The following DOCK9 variants were observed in gnomAD, a reference collection of about 807,000 sequenced individuals.
DOCK9 encodes dedicator of cytokinesis protein 9.
DOCK9 carries 89 observed loss-of-function variants against 263.3 expected under a neutral mutation model. That is an observed-to-expected ratio of 0.34 (90% CI 0.28 to 0.40). DOCK9 has a LOEUF of 0.40. Ranked by LOEUF, DOCK9 falls within the 10% of genes least tolerant of loss-of-function variation. The pLI is 1.00. For synonymous variants in DOCK9, 976 were observed against 973.1 expected, an observed-to-expected ratio of 1.00 and a Z score of -0.06; for missense variants, 2,140 against 2,603.4, an observed-to-expected ratio of 0.82 and a Z score of 3.87.
intron 1 of DOCK9, among the ~76,000 whole-genome samples, chr13:99,071,381 C>A (rs555013484): frequency 2.7e-4 from 38 of 142,650 alleles, no homozygotes; most frequent in Non-Finnish European, 5.0e-4. Flanking sequence ...ATCCATCCAT[C>A]TACCTTGGCC....
intron 1 of DOCK9, among the ~76,000 whole-genome samples, chr13:99,064,873 G>T (rs144595499): frequency 6.6e-6 from 1 of 152,216 alleles, no homozygotes; most frequent in East Asian, 1.9e-4. Flanking sequence ...AAAAATGAAG[G>T]CCCCCTAATA....
intron 3 of DOCK9, among the ~76,000 whole-genome samples, chr13:98,926,159 G>T (rs9554537): frequency 0.17 from 25,719 of 152,114 alleles, 3,041 homozygotes; most frequent in East Asian, 0.43. Flanking sequence ...AATGATCTGA[G>T]AGCAGGTTTT....
chr13:98,850,006 G>A (rs2296990), intron 36 of DOCK9, 41 bp downstream of exon 36: 83,243 of 1,415,940 alleles, frequency 0.059, 3,695 homozygotes, highest in East Asian at 0.23. Flanking sequence ...AATGATCCAG[G>A]AAAAAATCAA....
intron 37 of DOCK9, chr13:98,846,819 G>A (rs1427230522): frequency 2.0e-5 from 7 of 352,114 alleles, no homozygotes; most frequent in South Asian, 4.3e-5. Flanking sequence ...CATCAAACTC[G>A]ACCACCGTGG....
intron 2 of DOCK9, among the ~76,000 whole-genome samples, chr13:98,955,152 T>TAATACAAAGACAAAAA (rs2057895019): frequency 6.6e-6 from 1 of 152,044 alleles, no homozygotes; most frequent in African/African-American, 2.4e-5. Flanking sequence ...ACCCTGTCTC[T>TAATACAAAGACAAAAA]AATACAAAGA....
At position 98,883,890 on chromosome 13, in the gene DOCK9, G is replaced by C. The variant is rs755742927; in HGVS notation, c.2392C>G (p.Pro798Ala). Residue 798 changes from proline to alanine, a missense_variant, in exon 22 of 53, where the codon CCG becomes GCG. Transcript: ENST00000682017. Reference sequence around the variant, plus strand: ...CCTCCATCTACCCATTTAATTTCCGGACCATAATGCTAAAAAAAATATGGA... The same window carrying C: ...CCTCCATCTACCCATTTAATTTCCGCACCATAATGCTAAAAAAAATATGGA... ...QELGMGRHYG[P>A]EIKWVDGGKP... 1.2e-5 allele frequency: 19 copies of C among 1,608,984 alleles called. 1 individual carries two copies. The South Asian group carries it at 2.1e-4, about 18-fold the overall frequency.
At chr13:98,896,519 G>A (rs1259611229) in intron 15 of DOCK9, among the ~76,000 whole-genome samples, 1 of 151,498 alleles carries the variant, frequency 6.6e-6, no homozygotes, top group Non-Finnish European at 1.5e-5. Context: ...GATACCTTTG[G>A]CATAGAATAG....
intron 45 of DOCK9, chr13:98,820,696 A>C (rs1277513062): frequency 7.0e-6 from 3 of 427,598 alleles, no homozygotes; most frequent in Non-Finnish European, 1.4e-5. Flanking sequence ...AATCGATATT[A>C]TTAGCTTTAA....
chr13:98,800,667 G>A (rs760304855), intron 49 of DOCK9, among the ~76,000 whole-genome samples, 189 bp from the exon 50 acceptor site: 6 of 152,094 alleles, frequency 3.9e-5, no homozygotes, highest in Non-Finnish European at 5.9e-5. Flanking sequence ...CTTTACAATC[G>A]TGTGTCTCGT....
intron 1 of DOCK9, among the ~76,000 whole-genome samples, chr13:99,021,080 A>G (rs999738473): frequency 3.3e-5 from 5 of 152,232 alleles, no homozygotes; most frequent in Non-Finnish European, 5.9e-5. Flanking sequence ...TTGGTCTCTC[A>G]ATGCCTCGTT....
intron 33 of DOCK9, chr13:98,856,265 C>A (rs1203920275): frequency 5.0e-6 from 2 of 402,536 alleles, no homozygotes; most frequent in Non-Finnish European, 8.9e-6. Context: ...TTAGAAACCA[C>A]CTTTGATCGC....
intron 39 of DOCK9, among the ~76,000 whole-genome samples, chr13:98,837,051 G>A (rs991285516): frequency 6.6e-6 from 1 of 151,368 alleles, no homozygotes; most frequent in Non-Finnish European, 1.5e-5. Context: ...TCTCCAAAAC[G>A]TTTTTATCAT....
At chr13:98,933,869 TG>T (rs1331645462) in intron 2 of DOCK9, among the ~76,000 whole-genome samples, 4 of 1,834 alleles carry the variant, frequency 2.2e-3, no homozygotes, top group African/African-American at 0.017. Context: ...TAGCCTCTGT[TG>T]TTGTTGTTGT....
In DOCK9 at chr13:98,809,404, T is replaced by G; in HGVS notation, c.5315A>C (p.His1772Pro). The part of the protein sequence containing the change: ...RAYSKVTEVM[H>P]SGRRLLGTYF... Reference sequence around the variant, plus strand: ...GGTCCCCAGAAGCCTGCGGCCCGAGTGCATGACCTCGGTCACTTTGCTGTA... The same window carrying G: ...GGTCCCCAGAAGCCTGCGGCCCGAGGGCATGACCTCGGTCACTTTGCTGTA... The change falls in exon 47 of 53, where the codon CAC (histidine) becomes CCC (proline). Residue 1772 changes from histidine to proline, a missense_variant. This residue lies in a region of DOCK9 where 619 missense variants were observed against 861.8 expected (regional missense o/e 0.72). Transcript: ENST00000682017. The G allele has an allele frequency of 6.2e-7, 1 of 1,613,632 alleles. No homozygotes were observed. Among genetic ancestry groups the G allele is most frequent in the Non-Finnish European group, 8.5e-7 (1 of 1,179,830 alleles).
intron 9 of DOCK9, among the ~76,000 whole-genome samples, 198 bp from the exon 10 acceptor site, chr13:98,904,904 A>C (rs1476382536): frequency 6.6e-6 from 1 of 152,238 alleles, no homozygotes; most frequent in Non-Finnish European, 1.5e-5. Flanking sequence ...TGAAGGTGAG[A>C]TCCCTGCCCT....
At chr13:98,855,607 A>G in intron 34 of DOCK9, among the ~76,000 whole-genome samples, 1 of 152,018 alleles carries the variant, frequency 6.6e-6, no homozygotes, top group East Asian at 1.9e-4. Flanking sequence ...ACTACAGGAA[A>G]TTGAGATGGG....
intron 33 of DOCK9, 188 bp downstream of exon 33, chr13:98,860,217 G>A (rs1378526934): frequency 7.0e-7 from 1 of 1,431,804 alleles, no homozygotes; most frequent in African/African-American, 1.4e-5. Context: ...AGGCATCCGG[G>A]ACCTTTATTT....
At chr13:98,952,560 C>T (rs77412111) in intron 2 of DOCK9, among the ~76,000 whole-genome samples, 4 of 152,172 alleles carry the variant, frequency 2.6e-5, no homozygotes, top group African/African-American at 4.8e-5. Flanking sequence ...TAAAAATCCA[C>T]GTTTACTTCA....
intron 38 of DOCK9, among the ~76,000 whole-genome samples, chr13:98,839,023 A>G (rs34171443): frequency 0.15 from 23,228 of 152,236 alleles, 1,929 homozygotes; most frequent in South Asian, 0.22. Context: ...TCAGAATTAT[A>G]GAGTGGTTTT....
Sources: gnomAD v4.1 joint callset for allele counts (sites outside exome capture counted in the v4.1 genomes callset) on GRCh38, gnomAD v4.1.1 for gene constraint, gnomAD v4.1.1 regional missense constraint, MANE v1.5 for transcripts, NCBI Gene and HGNC (gene_info 2026-07-23, HGNC 2026-07-21) for gene names.